Variants in GRM5 observed in about 807,000 individuals in gnomAD.
GRM5 encodes metabotropic glutamate receptor 5.
A neutral mutation model predicts 83.1 loss-of-function variants in GRM5; 19 were observed. The ratio of observed to expected loss-of-function variants is 0.23; its 90% CI spans 0.16 to 0.34. The LOEUF is 0.34. Among genes scored for constraint, GRM5 ranks in the 10% least tolerant of loss-of-function variants. The probability of loss-of-function intolerance (pLI) is 1.00; values close to 1 mark genes in which losing one functional copy is unlikely to be tolerated. For synonymous variants in GRM5, 675 were observed against 633.6 expected (o/e 1.07, Z -0.98); for missense variants, 1,160 against 1,588.3 (o/e 0.73, Z 4.58).
intron 2 of GRM5, among the ~76,000 whole-genome samples, chr11:88,850,480 T>C (rs185256357): frequency 3.9e-5 from 6 of 152,154 alleles, no homozygotes; most frequent in Admixed American, 3.9e-4. Flanking sequence ...TATCTGCTAT[T>C]TTTTTGCATT....
rs143863798 is a variant in GRM5, at chr11:88,631,635, C to G, written c.1147+21533G>C. Among the ~76,000 whole-genome samples, 20 of 152,252 alleles carry G rather than the reference C, an allele frequency of 1.3e-4. 1 individual carries two copies. In the East Asian group the frequency reaches 2.7e-3, roughly 21 times the overall value. ...GTTACAGAGTGAGTGAATGGTGGAG[C>G]TGAATTTAACATAAGTGATCACTCC... On this transcript the variant is annotated intron_variant, in intron 4 of 9. Coordinates refer to ENST00000305447, the MANE Select transcript of GRM5 (RefSeq NM_001143831.3).
intron 3 of GRM5, among the ~76,000 whole-genome samples, chr11:88,806,341 A>C (rs1315980970): frequency 2.0e-5 from 3 of 152,204 alleles, no homozygotes; most frequent in African/African-American, 7.2e-5. Flanking sequence ...ATTTGCAAGA[A>C]TTTATTAAAG....
chr11:88,800,534 T>C (rs1211473100), intron 3 of GRM5, among the ~76,000 whole-genome samples: 2 of 152,170 alleles, frequency 1.3e-5, no homozygotes, highest in Non-Finnish European at 1.5e-5. Context: ...CCTTAAATCC[T>C]TAGTGCCAAT....
chr11:89,038,813 G>C (rs1170263874), intron 2 of GRM5, among the ~76,000 whole-genome samples: 2 of 152,122 alleles, frequency 1.3e-5, no homozygotes, highest in Non-Finnish European at 2.9e-5. Flanking sequence ...AAAGGAATGA[G>C]ATTTAGATTT....
At chr11:88,585,525 C>CATTT (rs990236520) in intron 7 of GRM5, among the ~76,000 whole-genome samples, 2 of 152,152 alleles carry the variant, frequency 1.3e-5, no homozygotes, top group African/African-American at 4.8e-5. Context: ...TTTCTTGTCT[C>CATTT]ATTTCTCCCT....
intron 3 of GRM5, among the ~76,000 whole-genome samples, chr11:88,762,860 G>A (rs567149395): frequency 2.6e-5 from 4 of 152,066 alleles, no homozygotes; most frequent in African/African-American, 9.6e-5. Flanking sequence ...ATGAGGTCAT[G>A]TCTTTTGCAC....
At chr11:88,892,931 A>T (rs1945170953) in intron 2 of GRM5, among the ~76,000 whole-genome samples, 2 of 151,902 alleles carry the variant, frequency 1.3e-5, no homozygotes, top group South Asian at 4.1e-4. Context: ...AACTTCATAG[A>T]CTCCCCAAAG....
intron 5 of GRM5, among the ~76,000 whole-genome samples, chr11:88,598,593 C>T (rs1356301385): frequency 1.3e-5 from 2 of 152,072 alleles, no homozygotes; most frequent in Non-Finnish European, 2.9e-5. Context: ...CCTTCCCTCT[C>T]GGTCACAATT....
intron 3 of GRM5, among the ~76,000 whole-genome samples, chr11:88,779,062 T>A (rs1201799150): frequency 2.6e-5 from 4 of 152,216 alleles, no homozygotes; most frequent in Non-Finnish European, 5.9e-5. Context: ...CACAAAAATC[T>A]TTTATAGATG....
chr11:88,765,749 A>C (rs1170682250), intron 3 of GRM5, among the ~76,000 whole-genome samples: 2 of 151,832 alleles, frequency 1.3e-5, no homozygotes, highest in African/African-American at 2.4e-5. Context: ...AGAAAAAAAA[A>C]CTTAATGAAA....
chr11:88,940,715 G>A (rs988316075), intron 2 of GRM5, among the ~76,000 whole-genome samples: 1 of 151,516 alleles, frequency 6.6e-6, no homozygotes, highest in African/African-American at 2.4e-5. Context: ...AAAAAATATT[G>A]AACTTTGATT....
intron 2 of GRM5, among the ~76,000 whole-genome samples, chr11:88,868,178 C>T (rs1431393370): frequency 2.0e-5 from 3 of 151,798 alleles, no homozygotes; most frequent in Non-Finnish European, 4.4e-5. Flanking sequence ...AGACACTCAA[C>T]AAAATTTAGT....
chr11:88,581,199 A>G (rs915072746), intron 7 of GRM5, among the ~76,000 whole-genome samples: 1 of 152,204 alleles, frequency 6.6e-6, no homozygotes, highest in Non-Finnish European at 1.5e-5. Flanking sequence ...TCTTAAATCA[A>G]TCCATCTATC....
chr11:88,903,121 C>T (rs1945343572), intron 2 of GRM5, among the ~76,000 whole-genome samples: 2 of 151,984 alleles, frequency 1.3e-5, no homozygotes, highest in Non-Finnish European at 2.9e-5. Context: ...AGGGATAGAT[C>T]TGTAATTCTG....
chr11:88,904,243 C>T (rs1366236969), intron 2 of GRM5, among the ~76,000 whole-genome samples: 2 of 152,158 alleles, frequency 1.3e-5, no homozygotes, highest in African/African-American at 4.8e-5. Flanking sequence ...TGTATGTGTA[C>T]ATATATGGGT....
At chr11:88,840,805 G>A (rs996868264) in intron 3 of GRM5, among the ~76,000 whole-genome samples, 2 of 152,140 alleles carry the variant, frequency 1.3e-5, no homozygotes, top group African/African-American at 2.4e-5. Context: ...GAGGCAAGTA[G>A]ATACTTTCCA....
intron 3 of GRM5, among the ~76,000 whole-genome samples, chr11:88,759,017 T>C (rs1467069878): frequency 6.6e-6 from 1 of 152,088 alleles, no homozygotes; most frequent in Non-Finnish European, 1.5e-5. Flanking sequence ...TAAGGTTATT[T>C]TCACACAAGC....
At chr11:89,062,295 C>T (rs998141106) in intron 1 of GRM5, among the ~76,000 whole-genome samples, 1 of 152,222 alleles carries the variant, frequency 6.6e-6, no homozygotes, top group African/African-American at 2.4e-5. Flanking sequence ...TACCTGAACA[C>T]TCCACAGCTG....
At chr11:88,569,905 T>C (rs559432721) in intron 7 of GRM5, among the ~76,000 whole-genome samples, 1 of 152,180 alleles carries the variant, frequency 6.6e-6, no homozygotes, top group Non-Finnish European at 1.5e-5. Flanking sequence ...TGGCTTTGAA[T>C]ATCAATGGTT....
Sources: allele counts gnomAD v4.1 joint callset (sites outside exome capture counted in the v4.1 genomes callset), GRCh38; gene constraint gnomAD v4.1.1; transcripts MANE v1.5; gene names NCBI Gene and HGNC (gene_info 2026-07-23, HGNC 2026-07-21).